Variants in CLN6 observed in about 807,000 individuals in gnomAD.
The protein encoded by CLN6 is ceroid-lipofuscinosis neuronal protein 6.
In CLN6, 22 loss-of-function variants were observed where a neutral mutation model predicts 33.3. The observed-to-expected ratio is 0.66, with a 90% confidence interval of 0.47 to 0.94. The LOEUF (loss-of-function observed/expected upper bound fraction) is 0.94. Ranked by LOEUF, CLN6 falls within the 40% of genes least tolerant of loss-of-function variation. The pLI, the probability that CLN6 is intolerant of heterozygous loss-of-function variation, is 0.00. For missense variants in CLN6, 387 were observed against 417.1 expected (o/e 0.93, Z 0.63); for synonymous variants, 201 against 174.6 (o/e 1.15, Z -1.19).
chr15:68,230,273 C>T (rs903207436), upstream of CLN6, among the ~76,000 whole-genome samples: 8 of 152,068 alleles, frequency 5.3e-5, no homozygotes, highest in African/African-American at 1.7e-4. This position sits in a 1 kb window ranked among gnomAD's most constrained non-coding sequence, Gnocchi z 4.0. Flanking sequence ...TGGCCGGATT[C>T]TGCCCCTGGG....
chr15:68,227,130 C>T lies in CLN6; in HGVS notation c.83+2372G>A, dbSNP rs1340721104. 4.6e-5 allele frequency among the ~76,000 whole-genome samples: 7 copies of T among 152,000 alleles called. No individual in the cohort carries two copies. Among genetic ancestry groups the T allele is most frequent in the African/African-American group, 1.7e-4 (7 of 41,378 alleles). Reference sequence around the variant, plus strand: ...TCGGCTCACTACAACCTCCGCCTCCCAGGCTCAAGGGATCCTGGTGCCTCA... The same window carrying T: ...TCGGCTCACTACAACCTCCGCCTCCTAGGCTCAAGGGATCCTGGTGCCTCA... On this transcript the variant is annotated intron_variant, in intron 1 of 6. Coordinates refer to ENST00000249806, the MANE Select transcript of CLN6 (RefSeq NM_017882.3). The surrounding 1 kb of genome is among the most constrained non-coding windows in gnomAD (Gnocchi z 4.1).
intron 1 of CLN6, among the ~76,000 whole-genome samples, chr15:68,244,300 A>C (rs1892307922): frequency 6.6e-6 from 1 of 152,096 alleles, no homozygotes; most frequent in African/African-American, 2.4e-5. Context: ...AAAGGATCCT[A>C]AAAGCAGCAA....
exon 1 of CLN6, chr15:68,257,041 G>T: frequency 8.0e-6 from 4 of 501,214 alleles, no homozygotes; most frequent in South Asian, 3.3e-5. Context: ...TACCGCTGGG[G>T]GCTGCCTGGT....
At chr15:68,254,632 C>T (rs1892414562) in intron 1 of CLN6, 9 of 660,068 alleles carry the variant, frequency 1.4e-5, no homozygotes, top group East Asian at 1.3e-4. Context: ...CCGCCACCAC[C>T]GTGCCCAGGA....
intron 2 of CLN6, among the ~76,000 whole-genome samples, chr15:68,215,826 G>A (rs2093219078): frequency 6.6e-6 from 1 of 152,146 alleles, no homozygotes; most frequent in South Asian, 2.1e-4. Context: ...GGTTAGAAGG[G>A]AAAAGGATGT....
At chr15:68,255,103 G>A (rs1249372363) in intron 1 of CLN6, among the ~76,000 whole-genome samples, 3 of 152,204 alleles carry the variant, frequency 2.0e-5, no homozygotes, top group Admixed American at 6.5e-5. Context: ...CTAGGTTGAT[G>A]TGGGGAAAAC....
At chr15:68,225,210 G>GA (rs1454862611) in intron 1 of CLN6, among the ~76,000 whole-genome samples, 2 of 152,226 alleles carry the variant, frequency 1.3e-5, no homozygotes, top group Non-Finnish European at 2.9e-5. Flanking sequence ...GAAACTCCAA[G>GA]AAAAACAAAA....
At chr15:68,214,957 A>G (rs8042358) in intron 2 of CLN6, 159,290 of 160,104 alleles carry the variant, frequency 0.99, 79,249 homozygotes, top group Middle Eastern at 1. Context: ...GGAGAAAACA[A>G]GAATGCTCTA....
chr15:68,249,876 G>A (rs552503176), intron 1 of CLN6, among the ~76,000 whole-genome samples: 3 of 152,106 alleles, frequency 2.0e-5, no homozygotes, highest in Non-Finnish European at 2.9e-5. Flanking sequence ...GGGTTCAAGC[G>A]ATTCTCCTGT....
At chr15:68,218,512 C>G (rs765416939) in intron 2 of CLN6, 24 bp downstream of exon 2, 16 of 1,536,236 alleles carry the variant, frequency 1.0e-5, no homozygotes, top group Non-Finnish European at 1.4e-5. Context: ...CTGGTCAGAG[C>G]CCTGTGCACC....
rs1443749681 is a variant in CLN6, at chr15:68,228,791, C to CATTCT, written c.83+710_83+711insAGAAT. Among the ~76,000 whole-genome samples the CATTCT allele has an allele frequency of 2.0e-5, 3 of 152,182 alleles. No individual in the cohort carries two copies. The highest frequency in any genetic ancestry group is 4.4e-5 in the Non-Finnish European group (3 of 68,030). ...CTCCCACCTTCACCCTGCCTACCCC[C>CATTCT]TTACTGCCTGGCACAGCGCTGGGCA... On this transcript the variant is annotated intron_variant, in intron 1 of 6. Coordinates refer to ENST00000249806, the MANE Select transcript of CLN6 (RefSeq NM_017882.3). This position sits in a 1 kb window ranked among gnomAD's most constrained non-coding sequence, Gnocchi z 4.4.
At chr15:68,216,305 T>A (rs1012521) in intron 2 of CLN6, among the ~76,000 whole-genome samples, 72,314 of 151,964 alleles carry the variant, frequency 0.48, 18,015 homozygotes, top group Non-Finnish European at 0.56. Context: ...GAGCAGCCAG[T>A]CCAGCCAGTC....
chr15:68,213,682 T>C (rs1359612758), intron 3 of CLN6: 3 of 153,000 alleles, frequency 2.0e-5, no homozygotes, highest in Admixed American at 6.5e-5. Flanking sequence ...TTTCTACTTA[T>C]AGTATCATGC....
intron 2 of CLN6, among the ~76,000 whole-genome samples, chr15:68,216,787 C>T (rs2093221547): frequency 6.6e-6 from 1 of 152,228 alleles, no homozygotes; most frequent in Non-Finnish European, 1.5e-5. Flanking sequence ...AAACTGCTGT[C>T]TTCTTGCTGA....
chr15:68,214,859 T>A (rs2093216317), intron 2 of CLN6: 1 of 232,310 alleles, frequency 4.3e-6, no homozygotes, highest in Non-Finnish European at 8.6e-6. Context: ...CTGGCGCTCC[T>A]GAGTGCCAGA....
Position 68,227,840 on chromosome 15 carries a change from G to A in CLN6, c.83+1662C>T, listed in dbSNP as rs1356964083. Among the ~76,000 whole-genome samples the A allele has an allele frequency of 6.6e-6, 1 of 152,202 alleles. No individual in the cohort carries two copies. The highest frequency in any genetic ancestry group is 1.5e-5 in the Non-Finnish European group (1 of 68,036). On this transcript the variant is annotated intron_variant, in intron 1 of 6. Transcript: ENST00000249806. This position sits in a 1 kb window ranked among gnomAD's most constrained non-coding sequence, Gnocchi z 4.1. ...GGAGCCCCACACAGGAGATAAAGTG[G>A]TGACCCTATCTGAGACCCACAGGCT... is the stretch of plus-strand genomic sequence containing the variant.
At chr15:68,218,266 AG>A (rs2093226011) in intron 2 of CLN6, 1 of 388,268 alleles carries the variant, frequency 2.6e-6, no homozygotes, top group Non-Finnish European at 4.9e-6. Flanking sequence ...CACAGGCCAG[AG>A]GGGGTTACAG....
intron 1 of CLN6, among the ~76,000 whole-genome samples, chr15:68,243,445 AT>A (rs1672678556): frequency 6.6e-6 from 1 of 152,202 alleles, no homozygotes; most frequent in African/African-American, 2.4e-5. Flanking sequence ...CTGGATAGAT[AT>A]AAAATTTTAT....
In CLN6 at chr15:68,246,334, A is replaced by T. The variant is rs550392410; in HGVS notation, c.179+10356T>A. Among the ~76,000 whole-genome samples the T allele has an allele frequency of 1.3e-5, 2 of 152,184 alleles. No individual in the cohort carries two copies. The highest frequency in any genetic ancestry group is 4.8e-5 in the African/African-American group (2 of 41,412). ...ATCTTAGGCTACAAAACAAGTCTGA[A>T]CAAATTCAATAAAGTAGAAATTATA... On this transcript the variant is annotated intron_variant, in intron 1 of 6. Transcript: ENST00000538696. The surrounding 1 kb of genome is among the most constrained non-coding windows in gnomAD (Gnocchi z 4.5).
Sources: allele counts gnomAD v4.1 joint callset (sites outside exome capture counted in the v4.1 genomes callset), GRCh38; gene constraint gnomAD v4.1.1; non-coding constraint Gnocchi (gnomAD v3.1); transcripts MANE v1.5; gene names NCBI Gene and HGNC (gene_info 2026-07-23, HGNC 2026-07-21).